GAP43: variants seen among roughly 807,000 people sequenced by gnomAD.
GAP43 encodes neuromodulin.
A neutral mutation model predicts 18.6 loss-of-function variants in GAP43; 6 were observed. The observed-to-expected ratio is 0.32, with a 90% CI of 0.18 to 0.64. The LOEUF is 0.64. Among genes scored for constraint, GAP43 ranks in the 30% least tolerant of loss-of-function variants. The pLI is 0.78. For missense variants in GAP43, 292 were observed against 295.5 expected (o/e 0.99, Z 0.09); for synonymous variants, 115 against 111.4 (o/e 1.03, Z -0.20).
intron 2 of GAP43, among the ~76,000 whole-genome samples, chr3:115,698,130 T>TTATATATAA (rs1709233151): frequency 4.7e-5 from 1 of 21,428 alleles, no homozygotes; most frequent in East Asian, 6.9e-3. Flanking sequence ...ATATTATATA[T>TTATATATAA]AATATATATA....
At chr3:115,650,215 T>C (rs1479459561) in intron 1 of GAP43, among the ~76,000 whole-genome samples, 1 of 152,146 alleles carries the variant, frequency 6.6e-6, no homozygotes, top group Non-Finnish European at 1.5e-5. Context: ...TATTTTTCTC[T>C]TCACATCCCT....
At chr3:115,699,031 C>T (rs974807028) in intron 2 of GAP43, among the ~76,000 whole-genome samples, 1 of 152,118 alleles carries the variant, frequency 6.6e-6, no homozygotes, top group Non-Finnish European at 1.5e-5. Flanking sequence ...CAGCCATTCT[C>T]GTGGATTGGA....
chr3:115,634,081 T>C (rs1708298246), intron 1 of GAP43, among the ~76,000 whole-genome samples: 1 of 152,198 alleles, frequency 6.6e-6, no homozygotes, highest in South Asian at 2.1e-4. Flanking sequence ...CCAATAACTA[T>C]TCAAAAATGT....
At chr3:115,682,172 CTG>C (rs1301685364) in intron 2 of GAP43, among the ~76,000 whole-genome samples, 5 of 152,156 alleles carry the variant, frequency 3.3e-5, no homozygotes, top group African/African-American at 1.2e-4. Context: ...GGATATTAAA[CTG>C]TTTCTGAGTC....
chr3:115,687,132 TC>T (rs1248040882), intron 2 of GAP43, among the ~76,000 whole-genome samples: 1 of 146,804 alleles, frequency 6.8e-6, no homozygotes, highest in Non-Finnish European at 1.5e-5. Flanking sequence ...TTTTTTTGCA[TC>T]TATCCCTACC....
At chr3:115,627,236 C>A (rs946536729) in intron 1 of GAP43, among the ~76,000 whole-genome samples, 4 of 147,680 alleles carry the variant, frequency 2.7e-5, no homozygotes, top group East Asian at 4.1e-4. Context: ...ATAATTCCTT[C>A]TAACCCATGC....
At chr3:115,694,410 A>G (rs1709157347) in intron 2 of GAP43, among the ~76,000 whole-genome samples, 14 of 152,228 alleles carry the variant, frequency 9.2e-5, no homozygotes, top group Admixed American at 9.2e-4. Flanking sequence ...ATAGCTTTGA[A>G]TTACTCAGTC....
intron 2 of GAP43, among the ~76,000 whole-genome samples, chr3:115,698,063 ATATTATATATAATATATAAAATATG>A (rs1402438383): frequency 4.7e-4 from 33 of 69,986 alleles, no homozygotes; most frequent in Middle Eastern, 5.3e-3. Context: ...TATAAAATAT[ATATTATATATAATATATAAAATATG>A]TATTATATAT....
At chr3:115,652,042 T>G (rs957369336) in intron 1 of GAP43, among the ~76,000 whole-genome samples, 1 of 152,162 alleles carries the variant, frequency 6.6e-6, no homozygotes, top group Non-Finnish European at 1.5e-5. Flanking sequence ...AACTATCACC[T>G]TCTCATAAAA....
At chr3:115,673,004 C>T (rs1181073725) in intron 1 of GAP43, among the ~76,000 whole-genome samples, 1 of 152,096 alleles carries the variant, frequency 6.6e-6, no homozygotes, top group Admixed American at 6.5e-5. Flanking sequence ...CTTCACCTCT[C>T]TCTCCTAACT....
Position 115,679,195 on chromosome 3 carries a change from T to G in GAP43, c.628+2585T>G, listed in dbSNP as rs552060561. ...GACAATCTAAGAGGGTGCAACAGGG[T>G]TAAGGGGAAAAATAGGTACAAAGAG... On this transcript the variant is annotated intron_variant, in intron 2 of 2. Transcript: ENST00000305124. 2.0e-5 allele frequency among the ~76,000 whole-genome samples: 3 copies of G among 151,676 alleles called. No homozygotes were observed. In the South Asian group the frequency reaches 6.3e-4, roughly 32 times the overall value.
intron 1 of GAP43, among the ~76,000 whole-genome samples, chr3:115,641,065 AT>A (rs1370496125): frequency 2.8e-5 from 2 of 71,908 alleles, no homozygotes; most frequent in Non-Finnish European, 5.6e-5. Context: ...AGGTTTTACT[AT>A]GTTGCCCAGA....
chr3:115,664,026 T>G (rs1279739637), intron 1 of GAP43: 1 of 1,000,696 alleles, frequency 1.0e-6, no homozygotes, highest in African/African-American at 1.6e-5. Context: ...TTAACTAATG[T>G]CCTTCTACTT....
intron 2 of GAP43, among the ~76,000 whole-genome samples, chr3:115,706,036 T>C (rs1222834728): frequency 1.3e-5 from 2 of 152,162 alleles, no homozygotes; most frequent in Non-Finnish European, 2.9e-5. Context: ...TGGGATTCCC[T>C]ATTTGAGAAC....
At chr3:115,648,701 G>A (rs1258061417) in intron 1 of GAP43, among the ~76,000 whole-genome samples, 3 of 152,114 alleles carry the variant, frequency 2.0e-5, no homozygotes, top group South Asian at 2.1e-4. Flanking sequence ...CGTGGCATTA[G>A]TTGAGGAAGG....
At chr3:115,691,676 T>A (rs1175708247) in intron 2 of GAP43, among the ~76,000 whole-genome samples, 1 of 152,192 alleles carries the variant, frequency 6.6e-6, no homozygotes, top group Admixed American at 6.5e-5. Context: ...GAGAGACACA[T>A]AATGATTTGC....
intron 1 of GAP43, among the ~76,000 whole-genome samples, chr3:115,675,565 A>C (rs544229375): frequency 6.6e-6 from 1 of 152,182 alleles, no homozygotes; most frequent in South Asian, 2.1e-4. Context: ...GTTTGAGACC[A>C]GCCTGAACAA....
chr3:115,705,889 G>A (rs1006492743), intron 2 of GAP43, among the ~76,000 whole-genome samples: 4 of 152,082 alleles, frequency 2.6e-5, no homozygotes, highest in African/African-American at 7.2e-5. Flanking sequence ...ATCCTTCGTG[G>A]AGGGTGGAGG....
At position 115,721,054 on chromosome 3, in the gene GAP43, A is replaced by C; in HGVS notation, c.*172A>C. Reference sequence around the variant, plus strand: ...CTCTGTGTGGCAAACATTTAAAAAAAAAAAAAAAAAGCAGGAAAGATCCCA... The same window carrying C: ...CTCTGTGTGGCAAACATTTAAAAAACAAAAAAAAAAGCAGGAAAGATCCCA... On this transcript the variant is annotated 3_prime_UTR_variant, in exon 3 of 3. Transcript: ENST00000305124. The C allele has an allele frequency of 2.8e-6, 1 of 352,308 alleles. No individual in the cohort carries two copies. The highest frequency in any genetic ancestry group is 4.4e-5 in the East Asian group (1 of 22,688). 21.8% of individuals were successfully genotyped at this position (352,308 alleles called of 1,614,324 possible).
Sources: allele counts gnomAD v4.1 joint callset (sites outside exome capture counted in the v4.1 genomes callset), GRCh38; gene constraint gnomAD v4.1.1; transcripts MANE v1.5; gene names NCBI Gene and HGNC (gene_info 2026-07-23, HGNC 2026-07-21).